Variants in SNAP29 observed in about 807,000 individuals in gnomAD.
SNAP29 encodes the protein synaptosome associated protein 29.
In SNAP29, 13 loss-of-function variants were observed where a neutral mutation model predicts 27.9. That is an observed-to-expected ratio of 0.47 (90% CI 0.30 to 0.74). SNAP29 has a LOEUF of 0.74. Among genes scored for constraint, SNAP29 ranks in the 30% least tolerant of loss-of-function variants. SNAP29 has a pLI of 0.06. For synonymous variants in SNAP29, 119 were observed against 127.1 expected (o/e 0.94, Z 0.43); for missense variants, 368 against 336.5 (o/e 1.09, Z -0.73).
At chr22:20,861,549 TGCCTCAACCTCCCAAGTA>T (rs1928320269) in intron 1 of SNAP29, among the ~76,000 whole-genome samples, 1 of 152,332 alleles carries the variant, frequency 6.6e-6, no homozygotes, top group South Asian at 2.1e-4. Context: ...ATGATTCTCC[TGCCTCAACCTCCCAAGTA>T]GCTGGGATTA....
At chr22:20,875,535 G>A (rs1928719220) in intron 2 of SNAP29, among the ~76,000 whole-genome samples, 2 of 152,184 alleles carry the variant, frequency 1.3e-5, no homozygotes, top group Non-Finnish European at 2.9e-5. Context: ...GCTGCACAAA[G>A]GACCTGACTT....
chr22:20,864,214 A>G (rs1928403630), intron 1 of SNAP29, among the ~76,000 whole-genome samples: 1 of 152,128 alleles, frequency 6.6e-6, no homozygotes, highest in Non-Finnish European at 1.5e-5. Context: ...AGCAACAAAC[A>G]TTAGACCAGG....
At chr22:20,861,975 G>T (rs1928335090) in intron 1 of SNAP29, among the ~76,000 whole-genome samples, 2 of 152,148 alleles carry the variant, frequency 1.3e-5, no homozygotes, top group African/African-American at 4.8e-5. Flanking sequence ...TCGCCATGTT[G>T]GGCAGGCTGG....
Position 20,859,250 on chromosome 22 carries a change from A to T in SNAP29, c.140A>T (p.Gln47Leu). 6.2e-7 allele frequency: 1 copy of T among 1,605,822 alleles called. No individual in the cohort carries two copies. The highest frequency in any genetic ancestry group is 1.1e-5 in the South Asian group (1 of 90,202). ...APADRQQYLR[Q>L]EVLRRAEATA... ...GCGGACAGGCAGCAGTACTTGCGGC[A>T]GGAGGTCCTCCGCAGGGCTGAGGCC... The change falls in exon 1 of 5, where the codon CAG (glutamine) becomes CTG (leucine). Residue 47 changes from glutamine (Q) to leucine (L), a missense_variant. Gln to Leu is a moderately radical substitution (Grantham distance 113). Coordinates refer to ENST00000215730, the MANE Select transcript of SNAP29 (RefSeq NM_004782.4).
intron 1 of SNAP29, among the ~76,000 whole-genome samples, chr22:20,867,561 A>G (rs165930): frequency 0.49 from 73,863 of 151,926 alleles, 18,451 homozygotes; most frequent in African/African-American, 0.58. Context: ...TTTTAGCAGA[A>G]GAAACAACTC....
intron 1 of SNAP29, among the ~76,000 whole-genome samples, chr22:20,860,601 C>T (rs1008818949): frequency 6.6e-6 from 1 of 151,916 alleles, no homozygotes; most frequent in Non-Finnish European, 1.5e-5. Context: ...GAACTCCTGA[C>T]CTCAGGCAGT....
At chr22:20,887,223 T>TG (rs1375531138) in intron 4 of SNAP29, among the ~76,000 whole-genome samples, 1 of 139,570 alleles carries the variant, frequency 7.2e-6, no homozygotes, top group Non-Finnish European at 1.6e-5. Flanking sequence ...AAATGCTGTC[T>TG]CAAAAAAAAA....
chr22:20,878,022 C>G lies in SNAP29; in HGVS notation c.435-3027C>G, dbSNP rs143123639. Among the ~76,000 whole-genome samples, 1,212 of 152,294 alleles carry G rather than the reference C, an allele frequency of 8.0e-3. 13 individuals are homozygous for G. Among genetic ancestry groups the G allele is most frequent in the East Asian group, 0.054 (281 of 5,168 alleles). ...TGGAGTGTTAAATCCTTCCATTCAC[C>G]AGGCTCTGCTGCATTCTACCCATAG... On this transcript the variant is annotated intron_variant, in intron 2 of 4. Transcript: ENST00000215730.
Position 20,890,201 on chromosome 22 carries a change from T to C in SNAP29, c.*2365T>C, listed in dbSNP as rs1929115912. The C allele has an allele frequency of 2.5e-6, 1 of 398,202 alleles. No individual in the cohort carries two copies. Among genetic ancestry groups the C allele is most frequent in the Non-Finnish European group, 4.4e-6 (1 of 225,944 alleles). 24.7% of individuals were successfully genotyped at this position (398,202 alleles called of 1,614,324 possible). A position where few individuals can be genotyped will look rare whatever the true frequency, so the allele number is the denominator to read the frequency against. On this transcript the variant is annotated 3_prime_UTR_variant, in exon 5 of 5. Transcript: ENST00000215730. ...CTACTTTATAAATGAGTTGCTTGCA[T>C]TTTCACAGAGAATGAAGGAAGACGT...
intron 4 of SNAP29, among the ~76,000 whole-genome samples, chr22:20,883,902 C>T (rs1034342382): frequency 6.6e-6 from 1 of 152,188 alleles, no homozygotes. Context: ...TGTTTTCCTC[C>T]TTGTGAAATG....
At chr22:20,876,403 A>G (rs165795) in intron 2 of SNAP29, among the ~76,000 whole-genome samples, 150,587 of 150,696 alleles carry the variant, frequency 1, 75,240 homozygotes, top group Middle Eastern at 1. Flanking sequence ...GACTACATGC[A>G]TGGGCCACCA....
rs1929085284 is a variant in SNAP29, at chr22:20,888,765, TGTTTATTTGGTACCGGGG to T, written c.*932_*949del. 6.6e-6 allele frequency: 1 copy of T among 152,194 alleles called. No homozygotes were observed. Among genetic ancestry groups the T allele is most frequent in the Admixed American group, 6.5e-5 (1 of 15,272 alleles). 9.4% of individuals were successfully genotyped at this position (152,194 alleles called of 1,614,324 possible). On this transcript the variant is annotated 3_prime_UTR_variant, in exon 5 of 5. Coordinates refer to ENST00000215730, the MANE Select transcript of SNAP29 (RefSeq NM_004782.4). ...TTAGGCAGGCCTCAGTAGGGCAAAA[TGTTTATTTGGTACCGGGG>T]GTCTCCTGACCTGTCTAGCATTCCC...
intron 2 of SNAP29, among the ~76,000 whole-genome samples, chr22:20,880,347 A>G (rs1928861043): frequency 6.6e-6 from 1 of 152,140 alleles, no homozygotes; most frequent in African/African-American, 2.4e-5. Flanking sequence ...AAAATACAGA[A>G]ATTAGCTGGG....
At chr22:20,874,307 GACACACACAGACACACAC>G (rs1928675832) in intron 2 of SNAP29, among the ~76,000 whole-genome samples, 1 of 117,642 alleles carries the variant, frequency 8.5e-6, no homozygotes, top group Admixed American at 1.1e-4. Flanking sequence ...GACACACACA[GACACACACAGACACACAC>G]ACACACACAC....
At chr22:20,866,778 CTA>C (rs1928469802) in intron 1 of SNAP29, among the ~76,000 whole-genome samples, 1 of 152,162 alleles carries the variant, frequency 6.6e-6, no homozygotes, top group Non-Finnish European at 1.5e-5. Context: ...TTTAGGAAAA[CTA>C]AGTCCAAATG....
chr22:20,859,540 C>T (rs1219463428), intron 1 of SNAP29, 193 bp downstream of exon 1: 3 of 601,364 alleles, frequency 5.0e-6, no homozygotes, highest in African/African-American at 1.9e-5. Flanking sequence ...TTGAAGAGGG[C>T]AGTTTACCCC....
chr22:20,864,532 T>A (rs1214645653), intron 1 of SNAP29, among the ~76,000 whole-genome samples: 1 of 152,048 alleles, frequency 6.6e-6, no homozygotes, highest in East Asian at 1.9e-4. Context: ...AGCAGCCCAC[T>A]CCAAATGAGG....
chr22:20,890,905 C>T lies in SNAP29; in HGVS notation c.*3069C>T, dbSNP rs907316918. On this transcript the variant is annotated 3_prime_UTR_variant, in exon 5 of 5. Transcript: ENST00000215730. Reference sequence around the variant, plus strand: ...CCTGGCTAACACAGTGAAACCCCGTCTCTACTAAAAATATAAAAAATTAGT... The same window carrying T: ...CCTGGCTAACACAGTGAAACCCCGTTTCTACTAAAAATATAAAAAATTAGT... The T allele has an allele frequency of 6.6e-6, 1 of 151,700 alleles. No homozygotes were observed. The allele number at this position is 151,700 out of a possible 1,614,324, so 9.4% of individuals were successfully genotyped here.
At chr22:20,883,614 A>T (rs754359818) in intron 4 of SNAP29, 45 bp downstream of exon 4, 51 of 1,307,582 alleles carry the variant, frequency 3.9e-5, no homozygotes, top group Non-Finnish European at 5.5e-5. Flanking sequence ...ACTGTCCTTC[A>T]GGCAGCTTAC....
Sources: gnomAD v4.1 joint callset for allele counts (sites outside exome capture counted in the v4.1 genomes callset) on GRCh38, gnomAD v4.1.1 for gene constraint, MANE v1.5 for transcripts, NCBI Gene and HGNC (gene_info 2026-07-23, HGNC 2026-07-21) for gene names.